EIF4A2: variants seen among roughly 807,000 people sequenced by gnomAD.
EIF4A2 encodes the protein eukaryotic translation initiation factor 4A2, also known as eukaryotic initiation factor 4A-II.
Under a neutral mutation model 50.6 loss-of-function variants are expected in EIF4A2, and 9 were observed. That is an observed-to-expected ratio of 0.18 (90% CI 0.11 to 0.31). The LOEUF is 0.31. Ranked by LOEUF, EIF4A2 falls within the 10% of genes least tolerant of loss-of-function variation. EIF4A2 has a pLI of 1.00. For synonymous variants in EIF4A2, 215 were observed against 164.4 expected (o/e 1.31, Z -2.35); for missense variants, 182 against 501.8 (o/e 0.36, Z 6.09).
At chr3:186,788,605 C>G (rs1292481433) in intron 10 of EIF4A2, 1 of 307,868 alleles carries the variant, frequency 3.2e-6, no homozygotes, top group Admixed American at 5.0e-5. Context: ...TGAGTTACAA[C>G]GTGTGAAACT....
rs1003188684 is a variant in EIF4A2 at position 186,787,055 on chromosome 3, C to T, written c.772-72C>T. Reference sequence around the variant, plus strand: ...TTACAGGCATTAGCACTGTGGCTGGCCCAGAATGAATTTTTAACTGAAGAG... The same window carrying T: ...TTACAGGCATTAGCACTGTGGCTGGTCCAGAATGAATTTTTAACTGAAGAG... On this transcript the variant is annotated intron_variant, in intron 7 of 10. Coordinates refer to ENST00000323963, the MANE Select transcript of EIF4A2 (RefSeq NM_001967.4). 8 of 1,594,050 alleles carry T rather than the reference C, an allele frequency of 5.0e-6. No individual in the cohort carries two copies. The African/African-American group carries it at 9.4e-5, about 19-fold the overall frequency.
intron 1 of EIF4A2, 79 bp from the exon 2 acceptor site, chr3:186,784,353 G>T: frequency 6.2e-7 from 1 of 1,605,184 alleles, no homozygotes; most frequent in Non-Finnish European, 8.5e-7. Flanking sequence ...TGCTGAGACG[G>T]GTTGCAAAGG....
intron 10 of EIF4A2, 109 bp downstream of exon 10, chr3:186,787,991 G>A: frequency 1.7e-6 from 2 of 1,168,742 alleles, no homozygotes; most frequent in Admixed American, 4.5e-5. Context: ...AAAGTCAGTA[G>A]TGTTCAGTAA....
rs200462080 is a variant in EIF4A2 at position 186,783,685 on chromosome 3, G to T, written c.29+46G>T. The T allele has an allele frequency of 1.9e-6, 3 of 1,614,002 alleles. No homozygotes were observed. The Admixed American group carries it at 5.0e-5, about 27-fold the overall frequency. On this transcript the variant is annotated intron_variant, in intron 1 of 10. Transcript: ENST00000323963. ...CGCGGTCTGTAGTGAAGGTCATAGGGCGCCAGGGGAGATGATAGTGGATGG... is the reference window on the plus strand; with the variant it reads ...CGCGGTCTGTAGTGAAGGTCATAGGTCGCCAGGGGAGATGATAGTGGATGG...
In EIF4A2 at chr3:186,789,405, T is replaced by G. The variant is rs1031619902; in HGVS notation, c.*136T>G. 16 of 1,297,642 alleles carry G rather than the reference T, an allele frequency of 1.2e-5. No individual in the cohort carries two copies. Among genetic ancestry groups the G allele is most frequent in the Middle Eastern group, 2.9e-4 (1 of 3,466 alleles). The allele number at this position is 1,297,642 out of a possible 1,614,324, so 80.4% of individuals were successfully genotyped here. ...AACGGATCAGAAATACAGATTTTGA[T>G]AGCAAAGCGACGTTAGTCGTGAGCT... On this transcript the variant is annotated 3_prime_UTR_variant, in exon 11 of 11. Transcript: ENST00000323963.
At position 186,786,293 on chromosome 3, in the gene EIF4A2, C is replaced by G. The variant is rs765913338; in HGVS notation, c.627+20C>G. The stretch of plus-strand genomic sequence containing the variant: ...ATTCAGGTAAGCATTACTTCACCCC[C>G]CTCTTAAAGGTAGAGATGGGGTTTA... On this transcript the variant is annotated intron_variant, in intron 6 of 10. Coordinates refer to ENST00000323963, the MANE Select transcript of EIF4A2 (RefSeq NM_001967.4). 1.2e-5 allele frequency: 19 copies of G among 1,601,636 alleles called. No individual in the cohort carries two copies. The Admixed American group carries it at 1.9e-4, about 16-fold the overall frequency.
At chr3:186,788,922 A>C in intron 10 of EIF4A2, 1 of 600,718 alleles carries the variant, frequency 1.7e-6, no homozygotes, top group Non-Finnish European at 2.7e-6. Flanking sequence ...TTTTGCAGCC[A>C]GACAAGCCTT....
At position 186,783,595 on chromosome 3, in the gene EIF4A2, AGTGGTT is replaced by A; in HGVS notation, c.-15_-10del. The A allele has an allele frequency of 6.2e-7, 1 of 1,614,056 alleles. No individual in the cohort carries two copies. The highest frequency in any genetic ancestry group is 8.5e-7 in the Non-Finnish European group (1 of 1,180,004). ...CCGCTGTCTTTTCAGTCGGGCGCTGAGTGGTTTTTCGGATCATGTCTGGTGGCTCCG... is the reference window on the plus strand; with the variant it reads ...CCGCTGTCTTTTCAGTCGGGCGCTGATTTCGGATCATGTCTGGTGGCTCCG... On this transcript the variant is annotated 5_prime_UTR_variant, in exon 1 of 11. Coordinates refer to ENST00000323963, the MANE Select transcript of EIF4A2 (RefSeq NM_001967.4).
rs1299766512 is a variant in EIF4A2 at position 186,786,641 on chromosome 3, G to A, written c.767G>A (p.Arg256Lys). Residue 256 changes from arginine to lysine, a missense_variant, in exon 7 of 11, where the codon AGA (arginine) becomes AAA (lysine). Arg to Lys is a conservative substitution (Grantham distance 26, BLOSUM62 2). Around this residue, in one of 7 missense-constraint regions of EIF4A2, gnomAD observed 113 missense variants for 357.3 expected, o/e 0.32. Transcript: ENST00000323963. ...GIKQFYINVE[R>K]EEWKLDTLCD... ...AAACAGTTTTATATTAATGTTGAGA[G>A]AGAGGTAACTGTCTGATTGTTAGAC... 2.5e-6 allele frequency: 4 copies of A among 1,613,868 alleles called. No individual in the cohort carries two copies. Among genetic ancestry groups the A allele is most frequent in the African/African-American group, 1.3e-5 (1 of 74,932 alleles).
intron 7 of EIF4A2, 180 bp downstream of exon 7, chr3:186,786,825 C>T: frequency 1.1e-6 from 1 of 945,574 alleles, no homozygotes; most frequent in Non-Finnish European, 1.8e-6. Flanking sequence ...GTCCAATGTC[C>T]TTTGTCTTAA....
intron 4 of EIF4A2, chr3:186,785,575 A>G: frequency 2.9e-6 from 1 of 344,012 alleles, no homozygotes. Flanking sequence ...CCTAGCTGTA[A>G]TTACAGAACA....
intron 7 of EIF4A2, chr3:186,786,920 G>T: frequency 1.1e-6 from 1 of 887,052 alleles, no homozygotes; most frequent in Non-Finnish European, 1.8e-6. Flanking sequence ...TATGAGACTG[G>T]CTAAGACTGG....
chr3:186,787,974 A>AT, intron 10 of EIF4A2, 92 bp downstream of exon 10: 1 of 1,355,146 alleles, frequency 7.4e-7, no homozygotes, highest in Non-Finnish European at 1.0e-6. Flanking sequence ...CAAGGAATAG[A>AT]TTCAGTAAAG....
Position 186,785,069 on chromosome 3 carries a change from G to T in EIF4A2, c.316G>T (p.Val106Leu). The T allele has an allele frequency of 6.2e-7, 1 of 1,614,166 alleles. No homozygotes were observed. ...TGAGTTCAAGGAGACCCAAGCACTA[G>T]TATTGGCCCCCACCAGAGAACTGGC... ...EIEFKETQAL[V>L]LAPTRELAQQ... Residue 106 changes from valine (V) to leucine (L), a missense_variant, in exon 4 of 11, where the codon GTA becomes TTA. By Grantham distance (32) the Val-to-Leu change is conservative. This residue lies in a region of EIF4A2 where 113 missense variants were observed against 357.3 expected (regional missense o/e 0.32). Coordinates refer to ENST00000323963, the MANE Select transcript of EIF4A2 (RefSeq NM_001967.4).
chr3:186,786,119 C>T (rs769614779), intron 5 of EIF4A2, 45 bp from the exon 6 acceptor site: 1 of 1,603,966 alleles, frequency 6.2e-7, no homozygotes, highest in Non-Finnish European at 8.5e-7. Flanking sequence ...CAAATTGTAT[C>T]ACTGAGTAGA....
chr3:186,788,979 A>G (rs1440105602), intron 10 of EIF4A2, 146 bp from the exon 11 acceptor site: 7 of 1,149,800 alleles, frequency 6.1e-6, no homozygotes, highest in South Asian at 1.9e-5. Flanking sequence ...TTCTCTAGAT[A>G]TGCATTAGCA....
chr3:186,787,090 CTAAA>C, intron 7 of EIF4A2, 33 bp from the exon 8 acceptor site: 1 of 1,610,682 alleles, frequency 6.2e-7, no homozygotes, highest in Non-Finnish European at 8.5e-7. Flanking sequence ...GTTGGAAAAA[CTAAA>C]TGACTGTTAA....
At chr3:186,783,850 T>C in intron 1 of EIF4A2, 2 of 699,962 alleles carry the variant, frequency 2.9e-6, no homozygotes, top group Non-Finnish European at 4.7e-6. Flanking sequence ...CTAAAGGGCG[T>C]TTTTCCTCTC....
At chr3:186,786,809 C>G in intron 7 of EIF4A2, 164 bp downstream of exon 7, 1 of 996,198 alleles carries the variant, frequency 1.0e-6, no homozygotes, top group Non-Finnish European at 1.6e-6. Context: ...GGACCTCTTT[C>G]TTAATGTCCA....
Sources: allele counts gnomAD v4.1 joint callset, GRCh38; gene constraint gnomAD v4.1.1; regional missense constraint gnomAD v4.1.1; transcripts MANE v1.5; gene names NCBI Gene and HGNC (gene_info 2026-07-23, HGNC 2026-07-21).